MINDY4: variants seen among roughly 807,000 people sequenced by gnomAD.
MINDY4 encodes probable ubiquitin carboxyl-terminal hydrolase MINDY-4.
A neutral mutation model predicts 87.0 loss-of-function variants in MINDY4; 68 were observed. That is an observed-to-expected ratio of 0.78 (90% CI 0.64 to 0.96). The LOEUF (loss-of-function observed/expected upper bound fraction) is 0.96. Among genes scored for constraint, MINDY4 ranks in the 40% least tolerant of loss-of-function variants. The pLI, the probability that MINDY4 is intolerant of heterozygous loss-of-function variation, is 0.00. For synonymous variants in MINDY4, 379 were observed against 363.2 expected, an observed-to-expected ratio of 1.04 and a Z score of -0.50; for missense variants, 919 against 928.2, an observed-to-expected ratio of 0.99 and a Z score of 0.13.
chr7:30,790,562 A>T (rs1787291140), intron 4 of MINDY4, among the ~76,000 whole-genome samples: 1 of 151,400 alleles, frequency 6.6e-6, no homozygotes, highest in Admixed American at 6.6e-5. Flanking sequence ...TTCTGCTTCC[A>T]CCTCCCGAGT....
At chr7:30,845,095 A>G (rs1266474562) in intron 9 of MINDY4, among the ~76,000 whole-genome samples, 4 of 152,170 alleles carry the variant, frequency 2.6e-5, no homozygotes, top group African/African-American at 9.7e-5. Flanking sequence ...TGCAAGAGGC[A>G]TGGAGCAGTG....
intron 5 of MINDY4, among the ~76,000 whole-genome samples, chr7:30,792,845 T>TA (rs541284367): frequency 9.2e-4 from 140 of 152,088 alleles, no homozygotes; most frequent in Admixed American, 1.4e-3. Context: ...CCTCTGCTCT[T>TA]ATTTTTATTA....
rs768420868 is a variant in MINDY4 at position 30,778,535 on chromosome 7, T to C, written c.167T>C (p.Leu56Pro). ...CGAAAGGTTTTGCATCTTGAATTTC[T>C]CTATAAGGAGAACAAGGTATGTGCT... is the stretch of plus-strand genomic sequence containing the variant. ...DLRKVLHLEF[L>P]YKENKAKENP... Residue 56 changes from leucine (L) to proline (P), a missense_variant, in exon 2 of 18, where the codon CTC becomes CCC. Leu to Pro is a moderately conservative substitution (Grantham distance 98). Coordinates refer to ENST00000265299, the MANE Select transcript of MINDY4 (RefSeq NM_032222.3). 1 of 1,614,262 alleles carries C rather than the reference T, an allele frequency of 6.2e-7. No homozygotes were observed. Among genetic ancestry groups the C allele is most frequent in the East Asian group, 2.2e-5 (1 of 44,896 alleles).
chr7:30,890,308 T>C (rs1171391004), intron 17 of MINDY4, among the ~76,000 whole-genome samples: 1 of 152,250 alleles, frequency 6.6e-6, no homozygotes, highest in African/African-American at 2.4e-5. Context: ...GACTGCGTCT[T>C]GTGTCTAGAC....
intron 2 of MINDY4, chr7:30,780,876 C>T (rs1786991934): frequency 6.6e-6 from 1 of 152,234 alleles, no homozygotes; most frequent in Non-Finnish European, 1.5e-5. Context: ...CCCTAACTCT[C>T]TTTATTGTAA....
intron 13 of MINDY4, among the ~76,000 whole-genome samples, chr7:30,870,141 A>T (rs1790057249): frequency 6.6e-6 from 1 of 152,126 alleles, no homozygotes; most frequent in Admixed American, 6.5e-5. Context: ...GCACCTAAGG[A>T]TGCAATTACC....
chr7:30,848,458 A>G (rs1404304017), intron 9 of MINDY4, among the ~76,000 whole-genome samples: 1 of 152,212 alleles, frequency 6.6e-6, no homozygotes, highest in Non-Finnish European at 1.5e-5. Context: ...CATCATTTGT[A>G]TGAGAGCAGG....
chr7:30,851,181 C>T (rs747296026), intron 10 of MINDY4, among the ~76,000 whole-genome samples: 3 of 152,186 alleles, frequency 2.0e-5, no homozygotes, highest in Non-Finnish European at 4.4e-5. Context: ...TGAGGCTAAG[C>T]GGTAGTATAA....
Position 30,882,954 on chromosome 7 carries a change from A to G in MINDY4, c.2186A>G (p.Asn729Ser), listed in dbSNP as rs61744238. The change falls in exon 17 of 18, where the codon AAC becomes AGC. Residue 729 changes from asparagine to serine, a missense_variant. Coordinates refer to ENST00000265299, the MANE Select transcript of MINDY4 (RefSeq NM_032222.3). ...TTQTISEDTD[N>S]DLVPPLELCI... The stretch of plus-strand genomic sequence containing the variant: ...CAAACCATCTCTGAGGACACAGACA[A>G]CGACCTTGTCCCACCCCTCGAGCTC... 1,034 of 1,614,078 alleles carry G rather than the reference A, an allele frequency of 6.4e-4. 2 individuals carry two copies. The African/African-American group carries it at 0.012, about 19-fold the overall frequency.
intron 7 of MINDY4, among the ~76,000 whole-genome samples, 198 bp from the exon 8 acceptor site, chr7:30,839,002 A>C (rs1338806235): frequency 1.8e-4 from 27 of 151,996 alleles, no homozygotes. Flanking sequence ...CAGAGGTAAG[A>C]CCCTCATTAT....
chr7:30,863,621 C>A (rs1309971567), intron 13 of MINDY4, among the ~76,000 whole-genome samples: 2 of 152,158 alleles, frequency 1.3e-5, no homozygotes, highest in Non-Finnish European at 2.9e-5. Context: ...CATTCCTAAC[C>A]CAGACCAGAG....
Position 30,873,017 on chromosome 7 carries a change from A to G in MINDY4, c.1809+711A>G, listed in dbSNP as rs552408774. On this transcript the variant is annotated intron_variant, in intron 14 of 17. Coordinates refer to ENST00000265299, the MANE Select transcript of MINDY4 (RefSeq NM_032222.3). ...ACAATGCGTAGCATGGACGGGCTGG[A>G]CAGAGCTGCACATCTTCTGGGCCCA... 3.3e-5 allele frequency among the ~76,000 whole-genome samples: 5 copies of G among 152,304 alleles called. No individual in the cohort carries two copies. In the East Asian group the frequency reaches 9.7e-4, roughly 29 times the overall value.
At chr7:30,872,083 G>A (rs1790122176) in intron 13 of MINDY4, among the ~76,000 whole-genome samples, 160 bp from the exon 14 acceptor site, 1 of 152,220 alleles carries the variant, frequency 6.6e-6, no homozygotes, top group South Asian at 2.1e-4. Context: ...CTGGGTGGGA[G>A]CCTCCTCCGT....
In MINDY4 at chr7:30,819,964, G is replaced by T. The variant is rs1054038874; in HGVS notation, c.1074-8715G>T. On this transcript the variant is annotated intron_variant, in intron 5 of 17. Transcript: ENST00000265299. ...TCGCCCAGGCTGGAGTGCAGTGGCG[G>T]GATCTCGGCTCACTGCAAGCTCCGC... is the stretch of plus-strand genomic sequence containing the variant. Among the ~76,000 whole-genome samples the T allele has an allele frequency of 2.1e-5, 3 of 145,584 alleles. No individual in the cohort carries two copies. In the South Asian group the frequency reaches 6.7e-4, roughly 32 times the overall value.
intron 15 of MINDY4, among the ~76,000 whole-genome samples, chr7:30,880,840 T>C (rs1790444818): frequency 6.6e-6 from 1 of 152,116 alleles, no homozygotes; most frequent in African/African-American, 2.4e-5. Context: ...ATGAGTGCGT[T>C]GTAAAGACTG....
At chr7:30,807,408 C>T (rs1006059058) in intron 5 of MINDY4, among the ~76,000 whole-genome samples, 2 of 152,012 alleles carry the variant, frequency 1.3e-5, no homozygotes, top group African/African-American at 4.8e-5. Flanking sequence ...CACTTTGTAG[C>T]CTTGACATGG....
chr7:30,886,322 A>G (rs556632919), intron 17 of MINDY4, among the ~76,000 whole-genome samples: 1 of 152,200 alleles, frequency 6.6e-6, no homozygotes, highest in Non-Finnish European at 1.5e-5. Flanking sequence ...CTGCTCTCAG[A>G]GAGTTTGCCA....
At chr7:30,887,139 C>A (rs921440299) in intron 17 of MINDY4, among the ~76,000 whole-genome samples, 1 of 152,294 alleles carries the variant, frequency 6.6e-6, no homozygotes, top group East Asian at 1.9e-4. Context: ...CTCAGCTACC[C>A]CCACTCCCTG....
At chr7:30,806,898 C>T (rs1584259327) in intron 5 of MINDY4, among the ~76,000 whole-genome samples, 1 of 152,306 alleles carries the variant, frequency 6.6e-6, no homozygotes, top group East Asian at 1.9e-4. Context: ...TGGCTGTGGT[C>T]CTCCATGTCC....
Sources: gnomAD v4.1 joint callset for allele counts (sites outside exome capture counted in the v4.1 genomes callset) on GRCh38, gnomAD v4.1.1 for gene constraint, MANE v1.5 for transcripts, NCBI Gene and HGNC (gene_info 2026-07-23, HGNC 2026-07-21) for gene names.